Variants in GLIS3 observed in about 807,000 individuals in gnomAD.
The protein encoded by GLIS3 is zinc finger protein GLIS3.
In GLIS3, 53 loss-of-function variants were observed where a neutral mutation model predicts 78.6. That is an observed-to-expected ratio of 0.67 (90% CI 0.54 to 0.85). GLIS3 has a LOEUF of 0.85. Among genes scored for constraint, GLIS3 ranks in the 40% least tolerant of loss-of-function variants. The probability of loss-of-function intolerance (pLI) is 0.00; values close to 1 mark genes in which losing one functional copy is unlikely to be tolerated. For synonymous variants in GLIS3, 684 were observed against 509.9 expected (o/e 1.34, Z -4.60); for missense variants, 1,703 against 1,231.1 (o/e 1.38, Z -5.74).
At position 4,118,031 on chromosome 9, in the gene GLIS3, G is replaced by A. The variant is rs752451798; in HGVS notation, c.1447C>T (p.Pro483Ser). The change falls in exon 4 of 11, where the codon CCC becomes TCC. Residue 483 changes from proline (P) to serine (S), a missense_variant. Pro to Ser is a moderately conservative substitution (Grantham distance 74). Coordinates refer to ENST00000381971, the MANE Select transcript of GLIS3 (RefSeq NM_001042413.2). This position sits in a 1 kb window ranked among gnomAD's most constrained non-coding sequence, Gnocchi z 4.7. The part of the protein sequence containing the change: ...LGPHAQQLAL[P>S]QATLDDDGEM... ...CCGTCGTCGTCCAGGGTGGCCTGGG[G>A]CAAGGCCAGCTGCTGGGCGTGGGGC... The A allele has an allele frequency of 3.1e-6, 5 of 1,599,644 alleles. No individual in the cohort carries two copies. Among genetic ancestry groups the A allele is most frequent in the African/African-American group, 2.7e-5 (2 of 74,824 alleles).
chr9:3,902,089 C>T (rs748004364), intron 6 of GLIS3, among the ~76,000 whole-genome samples: 3 of 152,184 alleles, frequency 2.0e-5, no homozygotes, highest in Admixed American at 6.5e-5. Context: ...GCATCAAAGA[C>T]GGGCAATTCT....
intron 4 of GLIS3, among the ~76,000 whole-genome samples, chr9:4,068,770 A>AT (rs773740773): frequency 9.3e-5 from 14 of 151,110 alleles, no homozygotes; most frequent in Admixed American, 2.0e-4. Flanking sequence ...CTGTCAAGGG[A>AT]TTTTTTTTCT....
chr9:4,022,718 TGA>T (rs1822991480), intron 4 of GLIS3, among the ~76,000 whole-genome samples: 1 of 152,112 alleles, frequency 6.6e-6, no homozygotes, highest in South Asian at 2.1e-4. Context: ...ATCCACCCAG[TGA>T]AACAGTATTC....
intron 4 of GLIS3, among the ~76,000 whole-genome samples, chr9:4,115,412 T>G (rs1256931703): frequency 6.6e-6 from 1 of 152,156 alleles, no homozygotes; most frequent in Non-Finnish European, 1.5e-5. Flanking sequence ...CCATCAGATT[T>G]GAAGTCAGTG....
intron 9 of GLIS3, 129 bp from the exon 10 acceptor site, chr9:3,829,621 G>A: frequency 1.2e-6 from 1 of 863,456 alleles, no homozygotes. Context: ...AAGGCCACCT[G>A]TAGAATCTTC....
At chr9:4,076,982 C>T (rs1828120828) in intron 4 of GLIS3, among the ~76,000 whole-genome samples, 1 of 152,142 alleles carries the variant, frequency 6.6e-6, no homozygotes, top group African/African-American at 2.4e-5. Flanking sequence ...TGGCTTGAGC[C>T]AGGGAGGTGG....
chr9:4,453,018 C>A, the GLIS3 span, among the ~76,000 whole-genome samples: 8 of 152,132 alleles, frequency 5.3e-5, no homozygotes, highest in East Asian at 5.8e-4. Flanking sequence ...ACACATCTAC[C>A]ACCATCTGAT....
At chr9:4,190,771 G>C (rs972634634) in intron 2 of GLIS3, among the ~76,000 whole-genome samples, 18 of 152,076 alleles carry the variant, frequency 1.2e-4, no homozygotes, top group African/African-American at 4.1e-4. Context: ...AAATGTTAAG[G>C]GCAGCCAGAG....
intron 2 of GLIS3, among the ~76,000 whole-genome samples, chr9:4,133,745 C>A (rs982554485): frequency 6.6e-6 from 1 of 151,378 alleles, no homozygotes; most frequent in African/African-American, 2.4e-5. Context: ...TCATATGGTA[C>A]CTTTCTGATA....
At chr9:4,303,262 A>AATATAG (rs752138646), upstream of GLIS3, among the ~76,000 whole-genome samples, 8 of 21,480 alleles carry the variant, frequency 3.7e-4, no homozygotes, top group South Asian at 0.014. Flanking sequence ...TAGCTATTAA[A>AATATAG]ACACAGACAC....
chr9:3,922,677 G>T (rs770875682), intron 6 of GLIS3, among the ~76,000 whole-genome samples: 58 of 152,026 alleles, frequency 3.8e-4, no homozygotes, highest in Non-Finnish European at 1.3e-4. Context: ...GGGAATTCAA[G>T]GTTCTAAGTG....
chr9:4,306,387 G>A (rs921729402), intron 4 of GLIS3, among the ~76,000 whole-genome samples: 2 of 152,136 alleles, frequency 1.3e-5, no homozygotes, highest in Non-Finnish European at 2.9e-5. Context: ...CATTTCCCTA[G>A]TAGTTACACA....
chr9:4,243,560 T>G (rs1026039586), intron 2 of GLIS3, among the ~76,000 whole-genome samples: 6 of 152,338 alleles, frequency 3.9e-5, no homozygotes, highest in Non-Finnish European at 7.3e-5. Context: ...TATGAAAAGA[T>G]GGTTATTTTG....
chr9:4,174,043 C>T (rs1347736204), intron 2 of GLIS3, among the ~76,000 whole-genome samples: 1 of 152,084 alleles, frequency 6.6e-6, no homozygotes, highest in African/African-American at 2.4e-5. Flanking sequence ...TCTCATGTTT[C>T]AATATATTTA....
At chr9:4,378,628 G>T in the GLIS3 span, among the ~76,000 whole-genome samples, 1 of 152,136 alleles carries the variant, frequency 6.6e-6, no homozygotes, top group Non-Finnish European at 1.5e-5. Context: ...CAGAAAGAGA[G>T]ATTCCATTTT....
intron 4 of GLIS3, among the ~76,000 whole-genome samples, chr9:3,993,097 G>A (rs1289879702): frequency 1.3e-5 from 2 of 152,170 alleles, no homozygotes; most frequent in East Asian, 1.9e-4. Context: ...AAAGGTTTTT[G>A]CATTTCCTGT....
intron 2 of GLIS3, among the ~76,000 whole-genome samples, chr9:4,170,553 GTTCTCCAA>G (rs1398623761): frequency 1.3e-5 from 2 of 152,120 alleles, no homozygotes; most frequent in Admixed American, 6.6e-5. Context: ...CTTCAATCTT[GTTCTCCAA>G]GCACATACCC....
intron 2 of GLIS3, among the ~76,000 whole-genome samples, chr9:4,178,188 G>C (rs1449702119): frequency 6.6e-6 from 1 of 152,142 alleles, no homozygotes; most frequent in Admixed American, 6.5e-5. Flanking sequence ...TGGGTAGGTG[G>C]ACTACGCATT....
chr9:3,896,658 T>G (rs1588171971), intron 7 of GLIS3, among the ~76,000 whole-genome samples: 2 of 894 alleles, frequency 2.2e-3, no homozygotes, highest in South Asian at 0.042. Context: ...AGAGTGAGAC[T>G]CCCATCTCAA....
Sources: gnomAD v4.1 joint callset for allele counts (sites outside exome capture counted in the v4.1 genomes callset) on GRCh38, gnomAD v4.1.1 for gene constraint, Gnocchi (gnomAD v3.1) non-coding constraint, MANE v1.5 for transcripts, NCBI Gene and HGNC (gene_info 2026-07-23, HGNC 2026-07-21) for gene names.